SCUBE3: variants seen among roughly 807,000 people sequenced by gnomAD.
SCUBE3 encodes the protein signal peptide, CUB and EGF-like domain-containing protein 3.
SCUBE3 carries 33 observed loss-of-function variants against 116.8 expected under a neutral mutation model. That is an observed-to-expected ratio of 0.28 (90% CI 0.21 to 0.38). The LOEUF is 0.38. Ranked by LOEUF, SCUBE3 falls within the 10% of genes least tolerant of loss-of-function variation. The pLI is 1.00. For missense variants in SCUBE3, 1,007 were observed against 1,324.8 expected (o/e 0.76, Z 3.72); for synonymous variants, 418 against 496.9 (o/e 0.84, Z 2.11).
chr6:35,241,463 G>T lies in SCUBE3; in HGVS notation c.1196-80G>T. The T allele has an allele frequency of 8.7e-7, 1 of 1,155,934 alleles. No homozygotes were observed. Among genetic ancestry groups the T allele is most frequent in the Non-Finnish European group, 1.3e-6 (1 of 765,222 alleles). 71.6% of individuals were successfully genotyped at this position (1,155,934 alleles called of 1,614,324 possible). On this transcript the variant is annotated intron_variant, in intron 10 of 21. Coordinates refer to ENST00000274938, the MANE Select transcript of SCUBE3 (RefSeq NM_152753.4). This position sits in a 1 kb window ranked among gnomAD's most constrained non-coding sequence, Gnocchi z 4.1. ...TCTCCATGGGTACAACAATAGTTAT[G>T]CAAGTAGCTGATTCCTCCAAATTAC...
At position 35,252,249 on chromosome 6, in the gene SCUBE3, G is replaced by A. The variant is rs944412936; in HGVS notation, c.*3544G>A. ...ACCAGATCCTGGATCTGAGCTGCCT[G>A]CTCCAGGCCTAGAAATCCCCAAAGG... On this transcript the variant is annotated 3_prime_UTR_variant, in exon 22 of 22. Coordinates refer to ENST00000274938, the MANE Select transcript of SCUBE3 (RefSeq NM_152753.4). 1 of 152,240 alleles carries A rather than the reference G, an allele frequency of 6.6e-6. No individual in the cohort carries two copies. The highest frequency in any genetic ancestry group is 2.4e-5 in the African/African-American group (1 of 41,450). 9.4% of individuals were successfully genotyped at this position (152,240 alleles called of 1,614,324 possible).
intron 1 of SCUBE3, chr6:35,221,088 G>C (rs909884457): frequency 2.0e-5 from 3 of 152,158 alleles, no homozygotes; most frequent in Non-Finnish European, 4.4e-5. Flanking sequence ...GTTTTATTTT[G>C]GATGTTACTT....
At position 35,219,514 on chromosome 6, in the gene SCUBE3, C is replaced by T. The variant is rs1050252840; in HGVS notation, c.85+5011C>T. Among the ~76,000 whole-genome samples the T allele has an allele frequency of 2.6e-5, 4 of 152,128 alleles. No homozygotes were observed. Among genetic ancestry groups the T allele is most frequent in the Admixed American group, 2.0e-4 (3 of 15,284 alleles). ...TTTTCCCTGTGGTTATAACCATAGC[C>T]CTAGAGAGCTGTGGGGTTTGGATTT... is the stretch of plus-strand genomic sequence containing the variant. On this transcript the variant is annotated intron_variant, in intron 1 of 21. Transcript: ENST00000274938. The surrounding 1 kb of genome is among the most constrained non-coding windows in gnomAD (Gnocchi z 4.7).
At position 35,228,525 on chromosome 6, in the gene SCUBE3, C is replaced by G; in HGVS notation, c.209-89C>G. The G allele has an allele frequency of 6.4e-6, 9 of 1,399,216 alleles. No homozygotes were observed. The highest frequency in any genetic ancestry group is 9.0e-6 in the Non-Finnish European group (9 of 1,005,558). The allele number at this position is 1,399,216 out of a possible 1,614,324, so 86.7% of individuals were successfully genotyped here. A position where few individuals can be genotyped will look rare whatever the true frequency, so the allele number is the denominator to read the frequency against. On this transcript the variant is annotated intron_variant, in intron 2 of 21. Coordinates refer to ENST00000274938, the MANE Select transcript of SCUBE3 (RefSeq NM_152753.4). The surrounding 1 kb of genome is among the most constrained non-coding windows in gnomAD (Gnocchi z 4.9). ...AATGGCTTATAGGCCATGAACATAA[C>G]TATGTAAACACAACCATAAGGCTGA...
intron 1 of SCUBE3, chr6:35,218,159 G>A: frequency 3.0e-6 from 3 of 985,238 alleles, no homozygotes; most frequent in Non-Finnish European, 3.6e-6. Context: ...TTTGAGATGT[G>A]AGCAGCTGGG....
At position 35,237,962 on chromosome 6, in the gene SCUBE3, T is replaced by A. The variant is rs1470053810; in HGVS notation, c.773T>A (p.Val258Asp). ...DSKCHDAATG[V>D]HCTCPVGFML... ...AAGTGCCATGATGCAGCGACTGGTG[T>A]CCACTGCACCTGCCCTGTGGGCTTC... Residue 258 changes from valine (V) to aspartate (D), a missense_variant, in exon 7 of 22, where the codon GTC becomes GAC. Physicochemically the swap from Val to Asp is radical, Grantham distance 152 (BLOSUM62 -3). Around this residue, in one of 5 missense-constraint regions of SCUBE3, gnomAD observed 214 missense variants for 316.7 expected, o/e 0.68. Transcript: ENST00000274938. 1 of 1,612,792 alleles carries A rather than the reference T, an allele frequency of 6.2e-7. No homozygotes were observed. Among genetic ancestry groups the A allele is most frequent in the African/African-American group, 1.3e-5 (1 of 74,884 alleles).
In SCUBE3 at chr6:35,245,794, G is replaced by T. The variant is rs115785254; in HGVS notation, c.2600-150G>T. ...AGCCCAGTGGGCAATGGGAGAGGGT[G>T]TGGGGTAGGGTGTGTGTATGCGAAG... On this transcript the variant is annotated intron_variant, in intron 19 of 21. Transcript: ENST00000274938. The surrounding 1 kb of genome is among the most constrained non-coding windows in gnomAD (Gnocchi z 4.2). 17 of 809,580 alleles carry T rather than the reference G, an allele frequency of 2.1e-5. No homozygotes were observed. In the South Asian group the frequency reaches 2.8e-4, roughly 13 times the overall value. The allele number at this position is 809,580 out of a possible 1,614,324, so 50.1% of individuals were successfully genotyped here.
intron 3 of SCUBE3, among the ~76,000 whole-genome samples, chr6:35,229,083 A>C (rs527358437): frequency 3.3e-5 from 5 of 152,212 alleles, no homozygotes; most frequent in Admixed American, 2.6e-4. Flanking sequence ...CAAATCAGCC[A>C]ATCTCTGGAA....
intron 1 of SCUBE3, among the ~76,000 whole-genome samples, chr6:35,226,061 ATC>A (rs1224420865): frequency 6.6e-6 from 1 of 152,208 alleles, no homozygotes; most frequent in Non-Finnish European, 1.5e-5. Context: ...GCTGGAAGTA[ATC>A]TCTTTCTCCT....
chr6:35,239,726 T>A lies in SCUBE3; in HGVS notation c.830-26T>A. 6.2e-7 allele frequency: 1 copy of A among 1,607,552 alleles called. No individual in the cohort carries two copies. The highest frequency in any genetic ancestry group is 8.5e-7 in the Non-Finnish European group (1 of 1,177,162). On this transcript the variant is annotated intron_variant, in intron 7 of 21. Transcript: ENST00000274938. The surrounding 1 kb of genome is among the most constrained non-coding windows in gnomAD (Gnocchi z 4.1). ...GTTCTCAGCCTTTGATAGTATCTTT[T>A]ATCCTGTTTTGTCCTCCTTCTTCAG...
At position 35,241,941 on chromosome 6, in the gene SCUBE3, C is replaced by T. The variant is rs752576287; in HGVS notation, c.1417+31C>T. 2.8e-6 allele frequency: 4 copies of T among 1,412,652 alleles called. No homozygotes were observed. The highest frequency in any genetic ancestry group is 2.3e-5 in the South Asian group (2 of 87,292). 87.5% of individuals were successfully genotyped at this position (1,412,652 alleles called of 1,614,324 possible). A position where few individuals can be genotyped will look rare whatever the true frequency, so the allele number is the denominator to read the frequency against. On this transcript the variant is annotated intron_variant, in intron 12 of 21. Transcript: ENST00000274938. This position sits in a 1 kb window ranked among gnomAD's most constrained non-coding sequence, Gnocchi z 4.1. ...CACCAGCCCAGAAGCCCTGTTCCCA[C>T]CCTACTCTCTTACATTAATCCCTTA...
chr6:35,243,716 C>T lies in SCUBE3; in HGVS notation c.2032C>T (p.His678Tyr). 6.2e-7 allele frequency: 1 copy of T among 1,614,140 alleles called. No individual in the cohort carries two copies. Among genetic ancestry groups the T allele is most frequent in the African/African-American group, 1.3e-5 (1 of 75,046 alleles). Residue 678 changes from histidine (H) to tyrosine (Y), a missense_variant, in exon 16 of 22, where the codon CAC (histidine) becomes TAC (tyrosine). By Grantham distance (83) the His-to-Tyr change is moderately conservative. Coordinates refer to ENST00000274938, the MANE Select transcript of SCUBE3 (RefSeq NM_152753.4). The surrounding 1 kb of genome is among the most constrained non-coding windows in gnomAD (Gnocchi z 6.6). ...SCDLCPGSDA[H>Y]GPLGATNVTT... ...CGACCTTTGCCCTGGGAGTGATGCCCACGGGCCTCTTGGAGCCACCAACGT... is the reference window on the plus strand; with the variant it reads ...CGACCTTTGCCCTGGGAGTGATGCCTACGGGCCTCTTGGAGCCACCAACGT...
intron 1 of SCUBE3, 51 bp from the exon 2 acceptor site, chr6:35,227,529 C>T: frequency 6.2e-7 from 1 of 1,609,812 alleles, no homozygotes; most frequent in Non-Finnish European, 8.5e-7. Context: ...TCAAGACACC[C>T]CTTAAGAGGT....
Position 35,245,126 on chromosome 6 carries a change from T to C in SCUBE3, c.2402-102T>C. On this transcript the variant is annotated intron_variant, in intron 18 of 21. Transcript: ENST00000274938. This position sits in a 1 kb window ranked among gnomAD's most constrained non-coding sequence, Gnocchi z 4.2. ...GATGAACTAGAACGCAGACTTCCCA[T>C]AAATGTCTGACCTCTACTTCAGAAC... is the stretch of plus-strand genomic sequence containing the variant. 3.8e-6 allele frequency: 4 copies of C among 1,062,134 alleles called. No individual in the cohort carries two copies. The highest frequency in any genetic ancestry group is 5.7e-6 in the Non-Finnish European group (4 of 698,596). The allele number at this position is 1,062,134 out of a possible 1,614,324, so 65.8% of individuals were successfully genotyped here.
intron 21 of SCUBE3, among the ~76,000 whole-genome samples, chr6:35,246,500 C>T (rs554794077): frequency 2.5e-4 from 38 of 152,242 alleles, no homozygotes; most frequent in South Asian, 6.2e-4. Flanking sequence ...TGAGCCCAAG[C>T]CTATCCGACT....
Position 35,228,634 on chromosome 6 carries a change from G to T in SCUBE3, c.229G>T (p.Glu77Ter). The change falls in exon 3 of 22, where the codon GAG becomes TAG. Residue 77 changes from glutamate to a stop codon, truncating the protein, a stop_gained. Coordinates refer to ENST00000274938, the MANE Select transcript of SCUBE3 (RefSeq NM_152753.4). LOFTEE classifies it high-confidence loss of function. This position sits in a 1 kb window ranked among gnomAD's most constrained non-coding sequence, Gnocchi z 4.9. ...HCKDVDECER[E>*]DNAGCVHDCV... Reference sequence around the variant, plus strand: ...CACAGACGTGGATGAGTGCGAGCGAGAGGATAATGCAGGTTGTGTGCATGA... The same window carrying T: ...CACAGACGTGGATGAGTGCGAGCGATAGGATAATGCAGGTTGTGTGCATGA... 1 of 1,614,170 alleles carries T rather than the reference G, an allele frequency of 6.2e-7. No individual in the cohort carries two copies. The highest frequency in any genetic ancestry group is 8.5e-7 in the Non-Finnish European group (1 of 1,179,994).
chr6:35,226,607 T>C (rs1360003491), intron 1 of SCUBE3, among the ~76,000 whole-genome samples: 1 of 149,422 alleles, frequency 6.7e-6, no homozygotes, highest in Non-Finnish European at 1.5e-5. Flanking sequence ...CACAGCCTCC[T>C]GAGTAGCTGG....
chr6:35,248,453 T>C (rs1784439875), intron 21 of SCUBE3, 103 bp from the exon 22 acceptor site: 2 of 1,087,056 alleles, frequency 1.8e-6, no homozygotes, highest in Middle Eastern at 2.3e-4. Flanking sequence ...ATATATTCAG[T>C]ATAGGATGCC....
rs1249016516 is a variant in SCUBE3 at position 35,248,735 on chromosome 6, A to T, written c.*30A>T. Reference sequence around the variant, plus strand: ...CCTAGGCTCAGAGACCCAATTTTTTAAGCCCCCAGACTCCTTAGCCCTCAG... The same window carrying T: ...CCTAGGCTCAGAGACCCAATTTTTTTAGCCCCCAGACTCCTTAGCCCTCAG... On this transcript the variant is annotated 3_prime_UTR_variant, in exon 22 of 22. Coordinates refer to ENST00000274938, the MANE Select transcript of SCUBE3 (RefSeq NM_152753.4). The T allele has an allele frequency of 2.5e-6, 4 of 1,607,758 alleles. No individual in the cohort carries two copies. Among genetic ancestry groups the T allele is most frequent in the Non-Finnish European group, 3.4e-6 (4 of 1,175,456 alleles).
Sources: gnomAD v4.1 joint callset for allele counts (sites outside exome capture counted in the v4.1 genomes callset) on GRCh38, gnomAD v4.1.1 for gene constraint, gnomAD v4.1.1 regional missense constraint, Gnocchi (gnomAD v3.1) non-coding constraint, MANE v1.5 for transcripts, NCBI Gene and HGNC (gene_info 2026-07-23, HGNC 2026-07-21) for gene names.